Variants in SPATA17 observed in about 807,000 individuals in gnomAD.
SPATA17 encodes the protein spermatogenesis associated 17, also known as spermatogenesis-associated protein 17.
Under a neutral mutation model 62.2 loss-of-function variants are expected in SPATA17, and 53 were observed. That is an observed-to-expected ratio of 0.85 (90% CI 0.68 to 1.07). The LOEUF (loss-of-function observed/expected upper bound fraction) is 1.07. SPATA17 is among the 50% of genes least tolerant of loss of function. The pLI is 0.00. For missense variants in SPATA17, 466 were observed against 425.5 expected, an observed-to-expected ratio of 1.10 and a Z score of -0.84; for synonymous variants, 146 against 146.8, an observed-to-expected ratio of 0.99 and a Z score of 0.04.
At chr1:217,742,251 G>A (rs12117870) in intron 6 of SPATA17, among the ~76,000 whole-genome samples, 153 bp downstream of exon 6, 69,749 of 151,964 alleles carry the variant, frequency 0.46, 17,507 homozygotes, top group Non-Finnish European at 0.58. Context: ...GTAGGTGCGC[G>A]CAGGCACCAT....
chr1:217,741,741 A>G (rs1451668396), intron 5 of SPATA17, among the ~76,000 whole-genome samples: 2 of 152,210 alleles, frequency 1.3e-5, no homozygotes, highest in African/African-American at 4.8e-5. Flanking sequence ...TCAGCTTTGA[A>G]TTAATTATAA....
chr1:217,850,449 C>G, intron 9 of SPATA17: 5 of 1,366,672 alleles, frequency 3.7e-6, no homozygotes, highest in Non-Finnish European at 5.1e-6. Flanking sequence ...TCAACTCTTT[C>G]TGGATGTTGT....
chr1:217,808,490 T>A (rs1184905673), intron 9 of SPATA17, among the ~76,000 whole-genome samples: 1 of 152,110 alleles, frequency 6.6e-6, no homozygotes, highest in Non-Finnish European at 1.5e-5. Context: ...ATTCTATTAA[T>A]AGTCTATCAG....
intron 5 of SPATA17, among the ~76,000 whole-genome samples, chr1:217,740,891 C>A (rs1039182928): frequency 2.6e-5 from 4 of 152,160 alleles, no homozygotes; most frequent in Admixed American, 2.6e-4. Flanking sequence ...AAAAAAATTG[C>A]TCAGCTGCAA....
At chr1:217,854,142 A>G (rs1192450201) in intron 9 of SPATA17, among the ~76,000 whole-genome samples, 5 of 152,096 alleles carry the variant, frequency 3.3e-5, no homozygotes, top group Admixed American at 3.3e-4. Context: ...AACAGTTTGA[A>G]CACTCAGCAG....
At chr1:217,729,894 A>C (rs1186232975) in intron 5 of SPATA17, among the ~76,000 whole-genome samples, 1 of 152,188 alleles carries the variant, frequency 6.6e-6, no homozygotes, top group Non-Finnish European at 1.5e-5. Context: ...GAAAGGAAAA[A>C]ATGCTTCAGT....
intron 4 of SPATA17, among the ~76,000 whole-genome samples, chr1:217,675,735 T>C (rs991627599): frequency 6.6e-6 from 1 of 152,160 alleles, no homozygotes; most frequent in Non-Finnish European, 1.5e-5. Context: ...CTCTGAGGTA[T>C]AGGTATCATT....
chr1:217,783,710 TATTG>T (rs1284610471), intron 8 of SPATA17, among the ~76,000 whole-genome samples: 1 of 152,182 alleles, frequency 6.6e-6, no homozygotes, highest in African/African-American at 2.4e-5. Context: ...TTGAGATGAT[TATTG>T]ATTATCTGAT....
intron 5 of SPATA17, among the ~76,000 whole-genome samples, chr1:217,701,530 C>T (rs531248891): frequency 4.6e-5 from 7 of 151,710 alleles, no homozygotes; most frequent in East Asian, 3.9e-4. Flanking sequence ...GGATTACAGG[C>T]GCCAACCACC....
chr1:217,742,218 C>A (rs772399864), intron 6 of SPATA17, 120 bp downstream of exon 6: 4 of 1,318,108 alleles, frequency 3.0e-6, no homozygotes, highest in Admixed American at 2.2e-5. Context: ...GACACTACTT[C>A]GAGTTCAATT....
chr1:217,640,331 TA>T (rs1384593104), intron 1 of SPATA17, among the ~76,000 whole-genome samples: 3 of 152,112 alleles, frequency 2.0e-5, no homozygotes, highest in East Asian at 1.9e-4. Context: ...ATTATATGTG[TA>T]AAAAACTCTA....
At chr1:217,751,944 G>A (rs1337797744) in intron 6 of SPATA17, among the ~76,000 whole-genome samples, 1 of 152,174 alleles carries the variant, frequency 6.6e-6, no homozygotes, top group Non-Finnish European at 1.5e-5. Context: ...ACTGGGGACA[G>A]ATCCATGTGT....
intron 9 of SPATA17, among the ~76,000 whole-genome samples, chr1:217,837,293 G>A (rs752194979): frequency 6.6e-6 from 1 of 152,086 alleles, no homozygotes; most frequent in African/African-American, 2.4e-5. Context: ...CCAGCTAATT[G>A]TGTATGTATT....
intron 1 of SPATA17, among the ~76,000 whole-genome samples, chr1:217,648,540 T>G (rs996516878): frequency 6.6e-6 from 1 of 152,202 alleles, no homozygotes; most frequent in Non-Finnish European, 1.5e-5. Flanking sequence ...AAACAGTAAA[T>G]TCAAATGATT....
rs1676101769 is a variant in SPATA17, at chr1:217,870,127, C to T, written c.*3108C>T. 1 of 152,054 alleles carries T rather than the reference C, an allele frequency of 6.6e-6. No individual in the cohort carries two copies. The highest frequency in any genetic ancestry group is 2.4e-5 in the African/African-American group (1 of 41,396). The allele number at this position is 152,054 out of a possible 1,614,324, so 9.4% of individuals were successfully genotyped here. A position where few individuals can be genotyped will look rare whatever the true frequency, so the allele number is the denominator to read the frequency against. ...CATTGGATTGTGAAGCCATTTCCTCCCACATGTTCGTAAAAATGGTAGCCA... is the reference window on the plus strand; with the variant it reads ...CATTGGATTGTGAAGCCATTTCCTCTCACATGTTCGTAAAAATGGTAGCCA... On this transcript the variant is annotated 3_prime_UTR_variant, in exon 11 of 11. Transcript: ENST00000366933.
At position 217,710,374 on chromosome 1, in the gene SPATA17, TTG is replaced by T. The variant is rs1671831842; in HGVS notation, c.395+27014_395+27015del. Among the ~76,000 whole-genome samples, 3 of 152,102 alleles carry T rather than the reference TTG, an allele frequency of 2.0e-5. No homozygotes were observed. The South Asian group carries it at 6.2e-4, about 31-fold the overall frequency. On this transcript the variant is annotated intron_variant, in intron 5 of 10. Transcript: ENST00000366933. ...GTAGCATTAATAAAACATTATTAGCTTGGAGTCAGAGAAGTGACTTTAAAAAA... is the reference window on the plus strand; with the variant it reads ...GTAGCATTAATAAAACATTATTAGCTGAGTCAGAGAAGTGACTTTAAAAAA...
At chr1:217,825,557 C>T (rs558059153) in intron 9 of SPATA17, among the ~76,000 whole-genome samples, 47 of 151,740 alleles carry the variant, frequency 3.1e-4, no homozygotes, top group Non-Finnish European at 5.2e-4. Context: ...TGATAAATCA[C>T]GCTAATATGA....
chr1:217,805,809 T>A (rs1015187627), intron 9 of SPATA17, among the ~76,000 whole-genome samples: 1 of 152,208 alleles, frequency 6.6e-6, no homozygotes, highest in African/African-American at 2.4e-5. Flanking sequence ...TTGGCAAGGA[T>A]ATGCTGTGTT....
At chr1:217,791,954 T>C (rs78653919) in intron 8 of SPATA17, among the ~76,000 whole-genome samples, 3,170 of 152,094 alleles carry the variant, frequency 0.021, 120 homozygotes, top group African/African-American at 0.072. Flanking sequence ...GCTTTATAGG[T>C]AGGATCCTGT....
Sources: gnomAD v4.1 joint callset for allele counts (sites outside exome capture counted in the v4.1 genomes callset) on GRCh38, gnomAD v4.1.1 for gene constraint, MANE v1.5 for transcripts, NCBI Gene and HGNC (gene_info 2026-07-23, HGNC 2026-07-21) for gene names.